The following FHIT variants were observed in gnomAD, a reference collection of about 807,000 sequenced individuals.
FHIT encodes the protein bis(5'-adenosyl)-triphosphatase.
A neutral mutation model predicts 17.9 loss-of-function variants in FHIT; 19 were observed. The ratio of observed to expected loss-of-function variants is 1.06; its 90% CI spans 0.74 to 1.56. The LOEUF (loss-of-function observed/expected upper bound fraction) is 1.56, where lower values mean the gene tolerates loss of function less well. Among genes scored for constraint, FHIT ranks in the 40% most tolerant of loss-of-function variants. FHIT has a pLI of 0.00. For synonymous variants in FHIT, 81 were observed against 69.7 expected, an observed-to-expected ratio of 1.16 and a Z score of -0.81; for missense variants, 248 against 189.2, an observed-to-expected ratio of 1.31 and a Z score of -1.82.
At chr3:60,229,153 A>G (rs1359133524) in intron 5 of FHIT, among the ~76,000 whole-genome samples, 1 of 152,226 alleles carries the variant, frequency 6.6e-6, no homozygotes, top group Non-Finnish European at 1.5e-5. Flanking sequence ...GCAGTGGCTC[A>G]TGCCTGTAAT....
chr3:59,991,991 C>T (rs1054201738), intron 7 of FHIT, among the ~76,000 whole-genome samples: 1 of 151,922 alleles, frequency 6.6e-6, no homozygotes, highest in Admixed American at 6.6e-5. Flanking sequence ...ACACTTGCAA[C>T]TGAAAGAGTC....
intron 3 of FHIT, among the ~76,000 whole-genome samples, chr3:60,965,242 A>G (rs113573092): frequency 0.013 from 1,998 of 152,196 alleles, 44 homozygotes; most frequent in African/African-American, 0.044. Context: ...AAGCTTGTGC[A>G]TGCATCACGT....
At chr3:60,055,327 T>C (rs1702037831) in intron 5 of FHIT, among the ~76,000 whole-genome samples, 1 of 152,140 alleles carries the variant, frequency 6.6e-6, no homozygotes. Context: ...CACATAAAAA[T>C]GCCTGTCAAA....
intron 8 of FHIT, among the ~76,000 whole-genome samples, chr3:59,879,082 A>G (rs1703291823): frequency 6.6e-6 from 1 of 152,164 alleles, no homozygotes; most frequent in African/African-American, 2.4e-5. Context: ...TTCTACAACA[A>G]ACACATTTTC....
At chr3:59,796,869 C>A (rs1246436763) in intron 8 of FHIT, among the ~76,000 whole-genome samples, 2 of 152,150 alleles carry the variant, frequency 1.3e-5, no homozygotes. Context: ...AAAATAAAGT[C>A]ATATATTAAT....
chr3:60,726,181 G>A (rs28576434), intron 4 of FHIT, among the ~76,000 whole-genome samples: 1 of 151,986 alleles, frequency 6.6e-6, no homozygotes, highest in African/African-American at 2.4e-5. Flanking sequence ...CTCAACAAAG[G>A]GTAGGAAATC....
intron 3 of FHIT, among the ~76,000 whole-genome samples, chr3:60,885,137 C>A (rs1447212133): frequency 6.6e-6 from 1 of 151,904 alleles, no homozygotes; most frequent in Non-Finnish European, 1.5e-5. Flanking sequence ...GATAGCACAG[C>A]AGGGTGATTA....
chr3:60,889,218 G>A (rs1553760025), intron 3 of FHIT, among the ~76,000 whole-genome samples: 1 of 152,052 alleles, frequency 6.6e-6, no homozygotes, highest in African/African-American at 2.4e-5. Context: ...TAGCCAATTG[G>A]AATTAGTTTC....
At chr3:60,482,220 A>T (rs2033639355) in intron 5 of FHIT, among the ~76,000 whole-genome samples, 1 of 152,198 alleles carries the variant, frequency 6.6e-6, no homozygotes, top group African/African-American at 2.4e-5. Context: ...CCCACACAAT[A>T]ATAGTGGGAG....
At chr3:60,233,691 T>C (rs1006122500) in intron 5 of FHIT, among the ~76,000 whole-genome samples, 2 of 152,202 alleles carry the variant, frequency 1.3e-5, no homozygotes, top group African/African-American at 2.4e-5. Flanking sequence ...TCTTGAATTG[T>C]AGCTCCCATA....
intron 3 of FHIT, among the ~76,000 whole-genome samples, chr3:60,936,114 C>T (rs906903712): frequency 6.6e-6 from 1 of 152,112 alleles, no homozygotes; most frequent in African/African-American, 2.4e-5. Context: ...GGTCCCTTGT[C>T]CAAACAGCCA....
Position 60,241,748 on chromosome 3 carries a change from T to G in FHIT, c.104-227596A>C, listed in dbSNP as rs542204806. ...ATGAAGAGAGAAGAGATGAGTTATA[T>G]TCATGACTAGTAGGAGTTAGTTTAT... is the stretch of plus-strand genomic sequence containing the variant. On this transcript the variant is annotated intron_variant, in intron 5 of 9. Coordinates refer to ENST00000492590, the MANE Select transcript of FHIT (RefSeq NM_002012.4). Among the ~76,000 whole-genome samples the G allele has an allele frequency of 3.3e-5, 5 of 152,234 alleles. No individual in the cohort carries two copies. In the South Asian group the frequency reaches 1.0e-3, roughly 32 times the overall value.
At chr3:59,947,411 TA>T (rs1165100847) in intron 7 of FHIT, among the ~76,000 whole-genome samples, 1 of 152,222 alleles carries the variant, frequency 6.6e-6, no homozygotes, top group African/African-American at 2.4e-5. Context: ...TTTTCCTTAT[TA>T]GTCTAGCTAG....
At chr3:61,203,436 C>CA (rs960310286) in intron 1 of FHIT, among the ~76,000 whole-genome samples, 29 of 146,796 alleles carry the variant, frequency 2.0e-4, no homozygotes, top group South Asian at 8.6e-4. Flanking sequence ...GAACATTTTT[C>CA]AAAAAAAAAA....
chr3:60,904,804 G>A (rs917323838), intron 3 of FHIT, among the ~76,000 whole-genome samples: 13 of 151,866 alleles, frequency 8.6e-5, no homozygotes, highest in Non-Finnish European at 1.8e-4. Flanking sequence ...GCCAGGCACG[G>A]TGGCAGGCGC....
intron 4 of FHIT, among the ~76,000 whole-genome samples, chr3:60,623,564 C>T (rs1203960725): frequency 6.6e-6 from 1 of 152,112 alleles, no homozygotes; most frequent in Non-Finnish European, 1.5e-5. Flanking sequence ...TCACTCAACT[C>T]GCACATACCA....
intron 3 of FHIT, among the ~76,000 whole-genome samples, chr3:60,914,095 A>C (rs1209051008): frequency 1.3e-5 from 2 of 152,196 alleles, no homozygotes; most frequent in Non-Finnish European, 2.9e-5. Context: ...TTTTGCAGAC[A>C]AGCTACCACA....
At chr3:60,895,076 T>C (rs1705723238) in intron 3 of FHIT, among the ~76,000 whole-genome samples, 1 of 152,192 alleles carries the variant, frequency 6.6e-6, no homozygotes, top group Non-Finnish European at 1.5e-5. Context: ...TCGCACTGGC[T>C]TTTAGCTGTC....
intron 3 of FHIT, among the ~76,000 whole-genome samples, chr3:60,924,027 G>GCCAATC (rs1707439370): frequency 6.6e-6 from 1 of 152,186 alleles, no homozygotes; most frequent in Non-Finnish European, 1.5e-5. Flanking sequence ...CCCTGCCATT[G>GCCAATC]CCGAGGCTTG....
Sources: allele counts gnomAD v4.1 joint callset (sites outside exome capture counted in the v4.1 genomes callset), GRCh38; gene constraint gnomAD v4.1.1; transcripts MANE v1.5; gene names NCBI Gene and HGNC (gene_info 2026-07-23, HGNC 2026-07-21).